The following GPR173 variants were observed in gnomAD, a reference collection of about 807,000 sequenced individuals.
The protein encoded by GPR173 is G protein-coupled receptor 173.
GPR173 carries 2 observed loss-of-function variants against 13.9 expected under a neutral mutation model. The ratio of observed to expected loss-of-function variants is 0.14; its 90% CI spans 0.06 to 0.45. The LOEUF (loss-of-function observed/expected upper bound fraction) is 0.45. Ranked by LOEUF, GPR173 falls within the 20% of genes least tolerant of loss-of-function variation. The probability of loss-of-function intolerance (pLI) is 0.98; values close to 1 mark genes in which losing one functional copy is unlikely to be tolerated. For missense variants in GPR173, 202 were observed against 340.5 expected, an observed-to-expected ratio of 0.59 and a Z score of 3.20; for synonymous variants, 131 against 141.0, an observed-to-expected ratio of 0.93 and a Z score of 0.50.
Position 53,076,549 on chromosome X carries a change from G to T in GPR173, c.-73G>T. On this transcript the variant is annotated 5_prime_UTR_variant, in exon 2 of 2. It removes an upstream start codon present in the reference 5' UTR. Transcript: ENST00000332582. The stretch of plus-strand genomic sequence containing the variant: ...GGTGCAATGTAGCAGGACAACTCAT[G>T]GAGCCCCCCCGGGCCCATCGAGTAC... 1 of 866,360 alleles carries T rather than the reference G, an allele frequency of 1.2e-6. No individual in the cohort carries two copies. 71.4% of individuals were successfully genotyped at this position (866,360 alleles called of 1,213,427 possible). A position where few individuals can be genotyped will look rare whatever the true frequency, so the allele number is the denominator to read the frequency against.
rs782608978 is a variant in GPR173 at position 53,071,498 on chromosome X, A to T, written c.-97-5027A>T. Among the ~76,000 whole-genome samples the T allele has an allele frequency of 1.4e-3, 155 of 112,083 alleles. 1 individual carries two copies. The highest frequency in any genetic ancestry group is 4.9e-3 in the African/African-American group (150 of 30,842). ...GTATGTTAAAATCAAGAGAAAAAAAATGGTGTTTATCTGTGAAATAGATTC... is the reference window on the plus strand; with the variant it reads ...GTATGTTAAAATCAAGAGAAAAAAATTGGTGTTTATCTGTGAAATAGATTC... On this transcript the variant is annotated intron_variant, in intron 1 of 1. Coordinates refer to ENST00000332582, the MANE Select transcript of GPR173 (RefSeq NM_018969.6).
chrX:53,074,700 T>A (rs1467684309), intron 1 of GPR173, among the ~76,000 whole-genome samples: 1 of 90,289 alleles, frequency 1.1e-5, no homozygotes, highest in African/African-American at 4.2e-5. Context: ...AATAAATATA[T>A]AAATATATAT....
intron 1 of GPR173, among the ~76,000 whole-genome samples, chrX:53,075,455 G>A (rs896716044): frequency 3.9e-5 from 4 of 102,934 alleles, no homozygotes; most frequent in East Asian, 2.9e-4. Context: ...CTAGAATGTC[G>A]GTTCCACAAG....
chrX:53,076,580 T>C lies in GPR173; in HGVS notation c.-42T>C. 8.9e-7 allele frequency: 1 copy of C among 1,118,320 alleles called. No homozygotes were observed. The highest frequency in any genetic ancestry group is 1.2e-6 in the Non-Finnish European group (1 of 835,807). The allele number at this position is 1,118,320 out of a possible 1,213,427, so 92.2% of individuals were successfully genotyped here. On this transcript the variant is annotated 5_prime_UTR_variant, in exon 2 of 2. Transcript: ENST00000332582. Reference sequence around the variant, plus strand: ...CCCCCGGGCCCATCGAGTACCGGACTGGCTGACCCCCTAGGGTTGGCAGTA... The same window carrying C: ...CCCCCGGGCCCATCGAGTACCGGACCGGCTGACCCCCTAGGGTTGGCAGTA...
intron 1 of GPR173, chrX:53,070,967 G>A (rs1257296041): frequency 1.1e-5 from 1 of 94,454 alleles, no homozygotes; most frequent in Non-Finnish European, 2.0e-5. Flanking sequence ...GGCTCCCAAT[G>A]TCTTTTTTTT....
intron 1 of GPR173, among the ~76,000 whole-genome samples, chrX:53,052,409 A>G (rs1363187137): frequency 1.8e-5 from 2 of 111,330 alleles, no homozygotes; most frequent in Non-Finnish European, 3.8e-5. Flanking sequence ...TGCATGTCTC[A>G]TTATGTGTTT....
intron 1 of GPR173, among the ~76,000 whole-genome samples, chrX:53,060,397 T>C (rs1465264964): frequency 1.8e-5 from 2 of 109,544 alleles, no homozygotes; most frequent in Non-Finnish European, 3.8e-5. Context: ...CTGGCCAACA[T>C]GGAGAAATCC....
chrX:53,074,006 T>TTTATATATAAATAAATATAAATATATATA (rs1556805258), intron 1 of GPR173, among the ~76,000 whole-genome samples: 1 of 20,729 alleles, frequency 4.8e-5, no homozygotes, highest in African/African-American at 5.6e-4. Flanking sequence ...TAAATATATA[T>TTTATATATAAATAAATATAAATATATATA]TATACATAAA....
chrX:53,058,145 A>G (rs1467703566), intron 1 of GPR173, among the ~76,000 whole-genome samples: 1 of 111,992 alleles, frequency 8.9e-6, no homozygotes, highest in African/African-American at 3.2e-5. Context: ...CCCCGTGTGT[A>G]TATTTACCAG....
At chrX:53,073,336 C>A (rs781939845) in intron 1 of GPR173, among the ~76,000 whole-genome samples, 4 of 110,219 alleles carry the variant, frequency 3.6e-5, no homozygotes, top group Non-Finnish European at 7.6e-5. Flanking sequence ...AGGAAGACAT[C>A]CACTCAAGTT....
intron 1 of GPR173, among the ~76,000 whole-genome samples, chrX:53,057,414 T>C (rs1163718663): frequency 1.4e-5 from 1 of 71,664 alleles, no homozygotes. Flanking sequence ...TGAAACTCCA[T>C]CTCAAAAAAA....
intron 1 of GPR173, chrX:53,071,108 CA>C (rs782720849): frequency 8.9e-6 from 1 of 111,990 alleles, no homozygotes; most frequent in South Asian, 3.7e-4. Flanking sequence ...GCTGGGATTA[CA>C]GGCATGTGCC....
At chrX:53,073,347 C>T (rs894365241) in intron 1 of GPR173, among the ~76,000 whole-genome samples, 2 of 110,465 alleles carry the variant, frequency 1.8e-5, no homozygotes, top group Admixed American at 1.9e-4. Context: ...CACTCAAGTT[C>T]CACCCCCTAA....
At chrX:53,060,932 AGACAC>A (rs1556803723) in intron 1 of GPR173, among the ~76,000 whole-genome samples, 1 of 47,131 alleles carries the variant, frequency 2.1e-5, no homozygotes, top group Admixed American at 2.5e-4. Flanking sequence ...CAGACTGTAC[AGACAC>A]TTCCAGAGGA....
chrX:53,054,516 AGAG>A (rs1321588825), intron 1 of GPR173, among the ~76,000 whole-genome samples: 39 of 105,844 alleles, frequency 3.7e-4, no homozygotes, highest in African/African-American at 1.3e-3. Context: ...AAAAAAAAAA[AGAG>A]AGAGAGAGCA....
rs782405499 is a variant in GPR173, at chrX:53,059,084, C to T, written c.-98+9600C>T. On this transcript the variant is annotated intron_variant, in intron 1 of 1. Transcript: ENST00000332582. ...CTAACATGGTGAAACCCCGTCTCTA[C>T]TAAAAATACAACAAATTAGCCGGGC... Among the ~76,000 whole-genome samples the T allele has an allele frequency of 9.4e-5, 10 of 106,204 alleles. No homozygotes were observed. The South Asian group carries it at 1.7e-3, about 19-fold the overall frequency. 92.2% of individuals were successfully genotyped at this position (106,204 alleles called of 115,157 possible). A position where few individuals can be genotyped will look rare whatever the true frequency, so the allele number is the denominator to read the frequency against.
intron 1 of GPR173, among the ~76,000 whole-genome samples, chrX:53,052,384 G>A (rs1423676222): frequency 9.0e-6 from 1 of 111,451 alleles, no homozygotes; most frequent in Non-Finnish European, 1.9e-5. Context: ...GCGTGCATGA[G>A]TAGGTACTTG....
chrX:53,054,074 A>G (rs183527374), intron 1 of GPR173, among the ~76,000 whole-genome samples: 96 of 111,446 alleles, frequency 8.6e-4, no homozygotes, highest in Middle Eastern at 9.2e-3. Flanking sequence ...GACCCAAATT[A>G]TGCCATCCAG....
At chrX:53,074,315 T>C (rs1171316799) in intron 1 of GPR173, among the ~76,000 whole-genome samples, 2 of 72,611 alleles carry the variant, frequency 2.8e-5, no homozygotes, top group Non-Finnish European at 4.6e-5. Flanking sequence ...TACATTCATA[T>C]ATATTTATAT....
Sources: gnomAD v4.1 joint callset for allele counts (sites outside exome capture counted in the v4.1 genomes callset) on GRCh38, gnomAD v4.1.1 for gene constraint, MANE v1.5 for transcripts, NCBI Gene and HGNC (gene_info 2026-07-23, HGNC 2026-07-21) for gene names.